TAFA1: variants seen among roughly 807,000 people sequenced by gnomAD.
The protein encoded by TAFA1 is TAFA chemokine like family member 1.
Under a neutral mutation model 18.5 loss-of-function variants are expected in TAFA1, and 4 were observed. The observed-to-expected ratio is 0.22, with a 90% CI of 0.11 to 0.49. The LOEUF is 0.49. Ranked by LOEUF, TAFA1 falls within the 20% of genes least tolerant of loss-of-function variation. The probability of loss-of-function intolerance (pLI) is 0.98; values close to 1 mark genes in which losing one functional copy is unlikely to be tolerated. For missense variants in TAFA1, 147 were observed against 169.0 expected (o/e 0.87, Z 0.72); for synonymous variants, 56 against 55.2 (o/e 1.01, Z -0.06).
intron 2 of TAFA1, among the ~76,000 whole-genome samples, chr3:68,318,797 C>A (rs935609274): frequency 1.1e-4 from 17 of 151,962 alleles, no homozygotes; most frequent in Admixed American, 4.6e-4. Context: ...GCTTATTTAC[C>A]TGAAAAATAA....
intron 2 of TAFA1, among the ~76,000 whole-genome samples, chr3:68,222,628 T>A (rs1041781261): frequency 6.6e-6 from 1 of 152,182 alleles, no homozygotes; most frequent in African/African-American, 2.4e-5. Flanking sequence ...TCAACCATAC[T>A]TCTTAATATG....
intron 3 of TAFA1, among the ~76,000 whole-genome samples, chr3:68,512,368 T>C (rs1178123049): frequency 6.6e-6 from 1 of 152,148 alleles, no homozygotes; most frequent in Non-Finnish European, 1.5e-5. Context: ...CCTTTTAAAG[T>C]AATGTACTTT....
intron 2 of TAFA1, among the ~76,000 whole-genome samples, chr3:68,291,176 T>C (rs2068099858): frequency 6.6e-6 from 1 of 152,226 alleles, no homozygotes; most frequent in South Asian, 2.1e-4. Context: ...TATATAGGTG[T>C]TGAATCGAAA....
chr3:68,507,804 T>C (rs1293929309), intron 3 of TAFA1, among the ~76,000 whole-genome samples: 2 of 152,108 alleles, frequency 1.3e-5, no homozygotes, highest in African/African-American at 4.8e-5. Context: ...ACAACCCCTA[T>C]TGTGCTTGGG....
chr3:68,238,621 T>C (rs2066959125), intron 2 of TAFA1, among the ~76,000 whole-genome samples: 2 of 152,216 alleles, frequency 1.3e-5, no homozygotes, highest in Non-Finnish European at 2.9e-5. Context: ...ACAAAGTGGC[T>C]AAATACAAAA....
At chr3:68,200,847 A>G (rs754136788) in intron 2 of TAFA1, among the ~76,000 whole-genome samples, 8 of 151,386 alleles carry the variant, frequency 5.3e-5, no homozygotes, top group Non-Finnish European at 1.0e-4. Context: ...CATGTTTTTA[A>G]TGTTATTGAT....
intron 2 of TAFA1, among the ~76,000 whole-genome samples, chr3:68,056,818 A>G (rs1049226150): frequency 1.3e-5 from 2 of 152,094 alleles, no homozygotes; most frequent in African/African-American, 2.4e-5. Context: ...AAAAAAAGCA[A>G]ATTCTGGCTT....
Position 68,192,180 on chromosome 3 carries a change from G to T in TAFA1, c.118+185436G>T, listed in dbSNP as rs78691337. Among the ~76,000 whole-genome samples the T allele has an allele frequency of 2.2e-4, 34 of 151,914 alleles. 1 individual carries two copies. The East Asian group carries it at 6.6e-3, about 30-fold the overall frequency. On this transcript the variant is annotated intron_variant, in intron 2 of 4. Transcript: ENST00000478136. The stretch of plus-strand genomic sequence containing the variant: ...CCAGATCCAGGTGCTGTAAGGGACC[G>T]AGTGATACAGCTTTTGCTCTCATGG...
At chr3:68,208,359 A>T (rs2066552307) in intron 2 of TAFA1, among the ~76,000 whole-genome samples, 1 of 151,958 alleles carries the variant, frequency 6.6e-6, no homozygotes, top group Non-Finnish European at 1.5e-5. Flanking sequence ...CTGTAACTTC[A>T]TGCGACAAGC....
At chr3:68,050,621 G>C (rs1043515323) in intron 2 of TAFA1, among the ~76,000 whole-genome samples, 1 of 152,114 alleles carries the variant, frequency 6.6e-6, no homozygotes, top group Non-Finnish European at 1.5e-5. Context: ...GAGCCTTATG[G>C]GTAAGAGCCT....
chr3:68,449,008 G>GCA (rs2071521607), intron 3 of TAFA1, among the ~76,000 whole-genome samples: 1 of 152,148 alleles, frequency 6.6e-6, no homozygotes, highest in Non-Finnish European at 1.5e-5. Context: ...AAAAAACACA[G>GCA]CTTCATTGGC....
At chr3:68,370,870 T>C (rs1473865583) in intron 2 of TAFA1, among the ~76,000 whole-genome samples, 2 of 150,312 alleles carry the variant, frequency 1.3e-5, no homozygotes, top group South Asian at 2.2e-4. Context: ...TAATTAACTA[T>C]GATCATGTGG....
intron 2 of TAFA1, among the ~76,000 whole-genome samples, chr3:68,271,836 TCA>T (rs965274782): frequency 4.1e-4 from 53 of 129,246 alleles, no homozygotes; most frequent in African/African-American, 1.2e-3. Context: ...TCTCTCTCTC[TCA>T]CACACACACA....
chr3:68,035,438 T>C (rs1191586764), intron 2 of TAFA1, among the ~76,000 whole-genome samples: 1 of 152,226 alleles, frequency 6.6e-6, no homozygotes, highest in Admixed American at 6.6e-5. Context: ...TACTAACTTA[T>C]TTTATAACAT....
At chr3:68,322,725 T>G (rs1239803647) in intron 2 of TAFA1, among the ~76,000 whole-genome samples, 1 of 152,094 alleles carries the variant, frequency 6.6e-6, no homozygotes, top group Non-Finnish European at 1.5e-5. Flanking sequence ...GGTGGATTAC[T>G]TGAGCTCAGG....
chr3:68,523,605 A>G (rs927083773), intron 3 of TAFA1, among the ~76,000 whole-genome samples: 5 of 152,236 alleles, frequency 3.3e-5, no homozygotes, highest in African/African-American at 1.2e-4. Context: ...TCTGAATTTG[A>G]TTAAAATAAA....
At chr3:68,136,405 CA>C (rs1301470728) in intron 2 of TAFA1, among the ~76,000 whole-genome samples, 1 of 152,164 alleles carries the variant, frequency 6.6e-6, no homozygotes, top group Non-Finnish European at 1.5e-5. Flanking sequence ...GGTACACCCA[CA>C]AAAGGACAGA....
intron 2 of TAFA1, among the ~76,000 whole-genome samples, chr3:68,236,237 A>C (rs888375860): frequency 6.6e-6 from 1 of 152,196 alleles, no homozygotes. Flanking sequence ...TTCATTATTC[A>C]TACCTCTAGT....
At chr3:68,192,719 A>AAAAT (rs2066358051) in intron 2 of TAFA1, 1 of 151,868 alleles carries the variant, frequency 6.6e-6, no homozygotes, top group Non-Finnish European at 1.5e-5. Flanking sequence ...ATTAAAAAAT[A>AAAAT]AAATAAAATT....
Sources: gnomAD v4.1 joint callset for allele counts (sites outside exome capture counted in the v4.1 genomes callset) on GRCh38, gnomAD v4.1.1 for gene constraint, MANE v1.5 for transcripts, NCBI Gene and HGNC (gene_info 2026-07-23, HGNC 2026-07-21) for gene names.